CCDC15: variants seen among roughly 807,000 people sequenced by gnomAD.
The protein encoded by CCDC15 is coiled-coil domain containing 15.
A neutral mutation model predicts 114.5 loss-of-function variants in CCDC15; 105 were observed. That is an observed-to-expected ratio of 0.92 (90% confidence interval 0.78 to 1.08). CCDC15 has a LOEUF of 1.08. Among genes scored for constraint, CCDC15 ranks in the 50% least tolerant of loss-of-function variants. CCDC15 has a pLI of 0.00. For missense variants in CCDC15, 1,105 were observed against 1,093.6 expected, an observed-to-expected ratio of 1.01 and a Z score of -0.15; for synonymous variants, 334 against 377.8, an observed-to-expected ratio of 0.88 and a Z score of 1.34.
intron 4 of CCDC15, among the ~76,000 whole-genome samples, chr11:124,969,064 TTTTTTGGG>T (rs1016176338): frequency 1.3e-5 from 2 of 152,340 alleles, no homozygotes; most frequent in Admixed American, 1.3e-4. Context: ...ATCATTTTTC[TTTTTTGGG>T]TTTCTATATT....
chr11:124,970,415 T>TGGGCTATAAAAA lies in CCDC15; in HGVS notation c.517-4680_517-4679insGGCTATAAAAAG, dbSNP rs1385521415. Among the ~76,000 whole-genome samples, 106 of 152,244 alleles carry TGGGCTATAAAAA rather than the reference T, an allele frequency of 7.0e-4. 1 individual carries two copies. The highest frequency in any genetic ancestry group is 6.9e-3 in the Admixed American group (106 of 15,286). ...TTCATGGGCTATAAAAAGTGGCTCATGTGAGTTCAACTTTTAATGTATGGT... is the reference window on the plus strand; with the variant it reads ...TTCATGGGCTATAAAAAGTGGCTCATGGGCTATAAAAAGTGAGTTCAACTTTTAATGTATGGT... On this transcript the variant is annotated intron_variant, in intron 4 of 15. Transcript: ENST00000344762.
chr11:125,022,435 A>G (rs919253225), intron 13 of CCDC15, among the ~76,000 whole-genome samples: 2 of 151,994 alleles, frequency 1.3e-5, no homozygotes, highest in Admixed American at 1.3e-4. Flanking sequence ...AGCTCAAGAA[A>G]GACTGGTAAA....
chr11:125,033,866 C>T (rs1948757743), intron 13 of CCDC15, among the ~76,000 whole-genome samples: 1 of 152,138 alleles, frequency 6.6e-6, no homozygotes, highest in African/African-American at 2.4e-5. Flanking sequence ...TATCATCATC[C>T]CACACCTTAA....
intron 13 of CCDC15, 46 bp from the exon 14 acceptor site, chr11:125,038,382 AAAT>A: frequency 1.7e-6 from 2 of 1,204,804 alleles, no homozygotes; most frequent in South Asian, 4.2e-5. Flanking sequence ...AGCTAATTTT[AAAT>A]AATAATTTTA....
chr11:124,993,971 G>A (rs529079686), intron 11 of CCDC15, among the ~76,000 whole-genome samples: 29 of 152,148 alleles, frequency 1.9e-4, no homozygotes, highest in Admixed American at 6.5e-4. Context: ...AGATTGCTTC[G>A]CAGGTAGAGT....
intron 4 of CCDC15, among the ~76,000 whole-genome samples, chr11:124,969,847 AGAGTTTTTCTGGATGT>A (rs1486437398): frequency 7.2e-5 from 11 of 152,196 alleles, no homozygotes; most frequent in African/African-American, 9.6e-5. Context: ...ATGCAACTGG[AGAGTTTTTCTGGATGT>A]GAGTTTTTCT....
chr11:125,001,573 C>T (rs1272016886), intron 11 of CCDC15, among the ~76,000 whole-genome samples: 1 of 152,198 alleles, frequency 6.6e-6, no homozygotes, highest in Non-Finnish European at 1.5e-5. Context: ...GCCCCACCTC[C>T]AGTCCTATGC....
Position 124,986,864 on chromosome 11 carries a change from G to A in CCDC15, c.876G>A (p.Lys292=). Residue 292 remains lysine, a synonymous_variant, in exon 7 of 16, where the codon AAG becomes AAA. Coordinates refer to ENST00000344762, the MANE Select transcript of CCDC15 (RefSeq NM_025004.3). The part of the protein sequence containing the change: ...QDQQAIHSED[K]NKPFSRVQKV... ...AGCAGGCTATCCATTCTGAAGATAAGAACAAACCTTTCAGCAGAGTTCAGG... is the reference window on the plus strand; with the variant it reads ...AGCAGGCTATCCATTCTGAAGATAAAAACAAACCTTTCAGCAGAGTTCAGG... The A allele has an allele frequency of 6.4e-7, 1 of 1,557,566 alleles. No individual in the cohort carries two copies. Among genetic ancestry groups the A allele is most frequent in the Non-Finnish European group, 8.7e-7 (1 of 1,151,606 alleles).
rs754990520 is a variant in CCDC15, at chr11:124,977,657, G to A, written c.753+57G>A. The A allele has an allele frequency of 1.6e-5, 25 of 1,528,604 alleles. No homozygotes were observed. In the Admixed American group the frequency reaches 3.8e-4, roughly 23 times the overall value. 94.7% of individuals were successfully genotyped at this position (1,528,604 alleles called of 1,614,324 possible). On this transcript the variant is annotated intron_variant, in intron 6 of 15. Coordinates refer to ENST00000344762, the MANE Select transcript of CCDC15 (RefSeq NM_025004.3). The stretch of plus-strand genomic sequence containing the variant: ...CATTGGCTTATTAGAAGTATCCACA[G>A]CTAACTAAGGATGGGATAAAGGGTT...
chr11:124,954,698 T>G, intron 1 of CCDC15, 26 bp from the exon 2 acceptor site: 2 of 1,607,808 alleles, frequency 1.2e-6, no homozygotes, highest in Non-Finnish European at 1.7e-6. Flanking sequence ...TTTGAAGATT[T>G]TAAGCTTTTT....
chr11:125,040,658 G>A lies in CCDC15; in HGVS notation c.2803G>A (p.Val935Ile). 6.2e-7 allele frequency: 1 copy of A among 1,612,116 alleles called. No individual in the cohort carries two copies. Reference protein sequence around the residue: ...DVPGGNSTLRVAIHNFASAHR... With the variant: ...DVPGGNSTLRIAIHNFASAHR... ...CCCTGGGGGTAATTCAACTCTTCGAGTCGCAATTCATAATTTTGCTTCTGC... is the reference window on the plus strand; with the variant it reads ...CCCTGGGGGTAATTCAACTCTTCGAATCGCAATTCATAATTTTGCTTCTGC... Residue 935 changes from valine (V) to isoleucine (I), a missense_variant, in exon 16 of 16, where the codon GTC (valine) becomes ATC (isoleucine). By Grantham distance (29) the Val-to-Ile change is conservative. Transcript: ENST00000344762.
intron 13 of CCDC15, among the ~76,000 whole-genome samples, chr11:125,034,381 A>G (rs571184691): frequency 6.6e-6 from 1 of 152,264 alleles, no homozygotes; most frequent in South Asian, 2.1e-4. Context: ...TGCACCTTTC[A>G]TTGCAGGCCA....
intron 13 of CCDC15, among the ~76,000 whole-genome samples, chr11:125,012,337 C>T (rs1215366023): frequency 6.6e-6 from 1 of 152,160 alleles, no homozygotes; most frequent in Non-Finnish European, 1.5e-5. Flanking sequence ...TTATCCAGGT[C>T]TAAGAGTGAT....
chr11:124,966,474 TG>T (rs1301938271), intron 4 of CCDC15, among the ~76,000 whole-genome samples: 32 of 142,188 alleles, frequency 2.3e-4, no homozygotes, highest in African/African-American at 8.9e-4. Context: ...TTTTTTTTTT[TG>T]TTTGTTTTCC....
intron 13 of CCDC15, among the ~76,000 whole-genome samples, chr11:125,031,781 G>T (rs912396711): frequency 6.6e-6 from 1 of 152,178 alleles, no homozygotes; most frequent in South Asian, 2.1e-4. Flanking sequence ...AGAGCAGCTC[G>T]CACAGCAGCC....
chr11:125,025,313 T>G (rs1397531658), intron 13 of CCDC15, among the ~76,000 whole-genome samples: 1 of 151,070 alleles, frequency 6.6e-6, no homozygotes, highest in Non-Finnish European at 1.5e-5. Flanking sequence ...TTGCTAAACT[T>G]TTGTGTAGAA....
At chr11:125,033,350 C>T (rs932270692) in intron 13 of CCDC15, among the ~76,000 whole-genome samples, 9 of 152,284 alleles carry the variant, frequency 5.9e-5, no homozygotes, top group South Asian at 4.1e-4. Context: ...TTATGGTAGC[C>T]GTGCCCATCT....
At chr11:124,974,765 T>C (rs1947945934) in intron 4 of CCDC15, among the ~76,000 whole-genome samples, 1 of 152,224 alleles carries the variant, frequency 6.6e-6, no homozygotes, top group Non-Finnish European at 1.5e-5. Flanking sequence ...AGGTAAGGAA[T>C]GTGTCTGGTC....
At chr11:124,975,243 T>A (rs772228789) in intron 5 of CCDC15, 34 bp downstream of exon 5, 1 of 1,279,024 alleles carries the variant, frequency 7.8e-7, no homozygotes, top group South Asian at 1.4e-5. Context: ...TTTAAAAAAA[T>A]ACAGGTAAAA....
Sources: allele counts gnomAD v4.1 joint callset (sites outside exome capture counted in the v4.1 genomes callset), GRCh38; gene constraint gnomAD v4.1.1; transcripts MANE v1.5; gene names NCBI Gene and HGNC (gene_info 2026-07-23, HGNC 2026-07-21).